BARD1: variants seen among roughly 807,000 people sequenced by gnomAD.
The protein encoded by BARD1 is BRCA1-associated RING domain protein 1.
A neutral mutation model predicts 77.0 loss-of-function variants in BARD1; 73 were observed. That is an observed-to-expected ratio of 0.95 (90% CI 0.79 to 1.15). The LOEUF (loss-of-function observed/expected upper bound fraction) is 1.15, where lower values mean the gene tolerates loss of function less well. Ranked by LOEUF, BARD1 falls within the 50% of genes most tolerant of loss-of-function variation. The pLI is 0.00. For missense variants in BARD1, 993 were observed against 938.8 expected, an observed-to-expected ratio of 1.06 and a Z score of -0.75; for synonymous variants, 384 against 338.0, an observed-to-expected ratio of 1.14 and a Z score of -1.49.
At chr2:214,771,071 T>A (rs1694461248) in intron 4 of BARD1, among the ~76,000 whole-genome samples, 1 of 152,224 alleles carries the variant, frequency 6.6e-6, no homozygotes, top group African/African-American at 2.4e-5. Context: ...AAGGAGGCAT[T>A]TATGCAGCGG....
intron 4 of BARD1, among the ~76,000 whole-genome samples, chr2:214,776,331 G>T (rs927395018): frequency 6.6e-6 from 1 of 152,114 alleles, no homozygotes; most frequent in African/African-American, 2.4e-5. Flanking sequence ...TTAGTATTTT[G>T]TTTTCTATTG....
chr2:214,806,075 G>C (rs1696255354), intron 1 of BARD1, among the ~76,000 whole-genome samples: 1 of 152,122 alleles, frequency 6.6e-6, no homozygotes, highest in South Asian at 2.1e-4. Flanking sequence ...GCTTCTTTCT[G>C]GTTGTGAGGC....
chr2:214,809,241 G>C (rs979882702), intron 1 of BARD1, among the ~76,000 whole-genome samples, 171 bp downstream of exon 1: 3 of 152,228 alleles, frequency 2.0e-5, no homozygotes, highest in African/African-American at 7.2e-5. Flanking sequence ...TAAAGTGAAT[G>C]AGAAGCAGAA....
chr2:214,793,487 A>G (rs1318168816), intron 2 of BARD1, among the ~76,000 whole-genome samples: 1 of 152,158 alleles, frequency 6.6e-6, no homozygotes, highest in African/African-American at 2.4e-5. Flanking sequence ...GTAGTTAAGA[A>G]CTCTAACTTG....
At position 214,792,285 on chromosome 2, in the gene BARD1, G is replaced by T. The variant is rs1559436750; in HGVS notation, c.364+12C>A. The T allele has an allele frequency of 6.2e-7, 1 of 1,612,338 alleles. No individual in the cohort carries two copies. Among genetic ancestry groups the T allele is most frequent in the Non-Finnish European group, 8.5e-7 (1 of 1,179,148 alleles). On this transcript the variant is annotated intron_variant, in intron 3 of 10. Coordinates refer to ENST00000260947, the MANE Select transcript of BARD1 (RefSeq NM_000465.4). ...GATGAATTTAACTAAGAGAGATAGG[G>T]ATAGTTCTTACCTGACAGCTCATTG...
At chr2:214,765,177 T>G (rs1314012314) in intron 6 of BARD1, among the ~76,000 whole-genome samples, 1 of 152,178 alleles carries the variant, frequency 6.6e-6, no homozygotes, top group Non-Finnish European at 1.5e-5. Context: ...CCAGCATAGA[T>G]ATAAACATTT....
intron 4 of BARD1, among the ~76,000 whole-genome samples, chr2:214,770,251 C>A (rs1254227710): frequency 2.0e-5 from 3 of 152,210 alleles, no homozygotes; most frequent in Non-Finnish European, 4.4e-5. Context: ...AGACTAAAAT[C>A]ACCACCCATT....
At chr2:214,749,289 G>A (rs78980052) in intron 7 of BARD1, among the ~76,000 whole-genome samples, 2,155 of 152,274 alleles carry the variant, frequency 0.014, 12 homozygotes, top group Middle Eastern at 0.027. Context: ...AAAAGAGTGA[G>A]TGAAGAAGAG....
intron 9 of BARD1, among the ~76,000 whole-genome samples, 192 bp downstream of exon 9, chr2:214,744,875 C>G: frequency 6.6e-6 from 1 of 152,160 alleles, no homozygotes; most frequent in East Asian, 1.9e-4. Flanking sequence ...TTGTGATCCG[C>G]CCACCTGGGC....
intron 7 of BARD1, among the ~76,000 whole-genome samples, chr2:214,748,098 G>T (rs897066446): frequency 6.6e-6 from 1 of 151,980 alleles, no homozygotes; most frequent in East Asian, 1.9e-4. Context: ...GAGTGAAAAA[G>T]ATATCATTTC....
chr2:214,730,278 G>A, intron 10 of BARD1, 133 bp downstream of exon 10: 1 of 747,180 alleles, frequency 1.3e-6, no homozygotes, highest in Non-Finnish European at 2.3e-6. Context: ...TCAGAATCAA[G>A]TGCTTGAAAT....
intron 7 of BARD1, among the ~76,000 whole-genome samples, chr2:214,746,221 A>G (rs1027245018): frequency 6.6e-6 from 1 of 152,170 alleles, no homozygotes; most frequent in African/African-American, 2.4e-5. Context: ...AACTTGTCCC[A>G]ATAGAGTTAA....
chr2:214,803,283 G>A (rs1219281792), intron 1 of BARD1, among the ~76,000 whole-genome samples: 7 of 151,998 alleles, frequency 4.6e-5, no homozygotes, highest in Non-Finnish European at 7.4e-5. Context: ...AGACCTGACC[G>A]TCCCCCAGCC....
At chr2:214,776,786 T>A (rs1031542211) in intron 4 of BARD1, among the ~76,000 whole-genome samples, 1 of 152,168 alleles carries the variant, frequency 6.6e-6, no homozygotes, top group Non-Finnish European at 1.5e-5. Context: ...CACCTTGAGA[T>A]GGGGAGATTA....
rs876659743 is a variant in BARD1 at position 214,809,571 on chromosome 2, G to A, written c.-2C>T. ...CCTCGGCTGCCGATTATCCGGCATC[G>A]TCCCGCCTTCGGATGAAAGGCTCCT... On this transcript the variant is annotated 5_prime_UTR_variant, in exon 1 of 11. It adds an upstream start codon to the 5' untranslated region. Transcript: ENST00000260947. 6.5e-7 allele frequency: 1 copy of A among 1,545,908 alleles called. No homozygotes were observed. The highest frequency in any genetic ancestry group is 1.2e-5 in the South Asian group (1 of 85,632).
intron 4 of BARD1, among the ~76,000 whole-genome samples, chr2:214,778,546 A>G (rs1239957130): frequency 1.3e-5 from 2 of 152,194 alleles, no homozygotes; most frequent in Admixed American, 1.3e-4. Context: ...TCACCAAGAC[A>G]GGAGCATGCC....
intron 5 of BARD1, among the ~76,000 whole-genome samples, chr2:214,768,387 C>T (rs1574790850): frequency 6.6e-6 from 1 of 152,248 alleles, no homozygotes; most frequent in East Asian, 1.9e-4. Context: ...GGCACTAAAC[C>T]CTCTAAATCA....
chr2:214,801,498 A>C (rs540659721), intron 1 of BARD1, among the ~76,000 whole-genome samples: 1 of 152,316 alleles, frequency 6.6e-6, no homozygotes, highest in East Asian at 1.9e-4. Context: ...ATTTACTATT[A>C]AAAAGTTCTT....
Position 214,726,031 on chromosome 2 carries a change from C to G in BARD1, c.*2645G>C. On this transcript the variant is annotated 3_prime_UTR_variant, in exon 11 of 11. Transcript: ENST00000260947. The stretch of plus-strand genomic sequence containing the variant: ...TCACTTAACTATTAAATTTACAAGG[C>G]AGGTGCAAAAAAAAAAAAAGGTGGG... The G allele has an allele frequency of 4.9e-6, 1 of 203,422 alleles. No individual in the cohort carries two copies. Among genetic ancestry groups the G allele is most frequent in the Non-Finnish European group, 9.5e-6 (1 of 105,016 alleles). The allele number at this position is 203,422 out of a possible 1,614,324, so 12.6% of individuals were successfully genotyped here.
Sources: gnomAD v4.1 joint callset for allele counts (sites outside exome capture counted in the v4.1 genomes callset) on GRCh38, gnomAD v4.1.1 for gene constraint, MANE v1.5 for transcripts, NCBI Gene and HGNC (gene_info 2026-07-23, HGNC 2026-07-21) for gene names.